Variants in RHEB observed in about 807,000 individuals in gnomAD.
The protein encoded by RHEB is GTP-binding protein Rheb.
RHEB carries 2 observed loss-of-function variants against 28.8 expected under a neutral mutation model. The observed-to-expected ratio is 0.07, with a 90% CI of 0.03 to 0.22. RHEB has a LOEUF of 0.22. Among genes scored for constraint, RHEB ranks in the 10% least tolerant of loss-of-function variants. The pLI is 1.00. For synonymous variants in RHEB, 69 were observed against 77.3 expected (o/e 0.89, Z 0.56); for missense variants, 76 against 219.9 (o/e 0.35, Z 4.14).
At chr7:151,497,985 C>A (rs1802703690) in intron 1 of RHEB, 1 of 541,218 alleles carries the variant, frequency 1.8e-6, no homozygotes, top group Admixed American at 2.4e-5. Context: ...TTACAGGGAA[C>A]TCTTGCTGGA....
At chr7:151,519,206 C>T in intron 1 of RHEB, 1 of 173,340 alleles carries the variant, frequency 5.8e-6, no homozygotes, top group Non-Finnish European at 1.2e-5. Flanking sequence ...CCCGCGCCTC[C>T]CACGCCCTCC....
chr7:151,483,420 T>A (rs1441804455), intron 3 of RHEB, among the ~76,000 whole-genome samples: 1 of 152,180 alleles, frequency 6.6e-6, no homozygotes, highest in Non-Finnish European at 1.5e-5. Flanking sequence ...ATCCTTTGAT[T>A]ATAAGTTGCA....
chr7:151,466,613 T>C lies in RHEB; in HGVS notation c.*506A>G, dbSNP rs985543580. 3 of 156,082 alleles carry C rather than the reference T, an allele frequency of 1.9e-5. No individual in the cohort carries two copies. In the Admixed American group the frequency reaches 1.9e-4, roughly 10 times the overall value. 9.7% of individuals were successfully genotyped at this position (156,082 alleles called of 1,614,324 possible). The stretch of plus-strand genomic sequence containing the variant: ...CCTCCTGTGGCCACATCTTCACTGG[T>C]TTCTGGAATCCAACCTGGGGCCTTC... On this transcript the variant is annotated 3_prime_UTR_variant, in exon 8 of 8. Transcript: ENST00000262187.
intron 1 of RHEB, among the ~76,000 whole-genome samples, chr7:151,505,003 C>A (rs1802841731): frequency 6.7e-6 from 1 of 150,008 alleles, no homozygotes; most frequent in Admixed American, 6.6e-5. Flanking sequence ...GGATCAGAGA[C>A]CTAAACATAA....
At chr7:151,477,296 G>T in intron 4 of RHEB, 37 bp downstream of exon 4, 1 of 1,175,064 alleles carries the variant, frequency 8.5e-7, no homozygotes, top group Non-Finnish European at 1.3e-6. Context: ...TTATCTATGA[G>T]TAGCAAATCA....
intron 1 of RHEB, among the ~76,000 whole-genome samples, chr7:151,506,744 A>ATT (rs1297718148): frequency 6.6e-6 from 1 of 152,216 alleles, no homozygotes; most frequent in Non-Finnish European, 1.5e-5. Context: ...TTACTGTTTC[A>ATT]TTTACCCACA....
intron 1 of RHEB, among the ~76,000 whole-genome samples, chr7:151,511,900 C>T (rs1802996495): frequency 6.6e-6 from 1 of 152,174 alleles, no homozygotes; most frequent in African/African-American, 2.4e-5. Flanking sequence ...ATCCACTCGC[C>T]TTGGCCTCCC....
intron 1 of RHEB, among the ~76,000 whole-genome samples, chr7:151,518,689 C>T (rs1401826092): frequency 2.6e-5 from 4 of 152,272 alleles, no homozygotes; most frequent in African/African-American, 9.6e-5. Flanking sequence ...GTATGTCAAC[C>T]TTTTGGGGGA....
At chr7:151,492,998 CCTGA>C (rs747201969) in intron 1 of RHEB, among the ~76,000 whole-genome samples, 39 of 151,962 alleles carry the variant, frequency 2.6e-4, no homozygotes, top group Middle Eastern at 3.2e-3. Flanking sequence ...CGCCACCACA[CCTGA>C]CTAATTTTTT....
chr7:151,467,791 T>TCAGCCCAGGGTCAACCC (rs1554436006), intron 7 of RHEB, among the ~76,000 whole-genome samples: 1 of 152,100 alleles, frequency 6.6e-6, no homozygotes, highest in Non-Finnish European at 1.5e-5. Flanking sequence ...GCCCTCAGCC[T>TCAGCCCAGGGTCAACCC]CAGCCCAGGG....
At chr7:151,516,261 C>T (rs1584871199) in intron 1 of RHEB, among the ~76,000 whole-genome samples, 1 of 151,870 alleles carries the variant, frequency 6.6e-6, no homozygotes, top group Non-Finnish European at 1.5e-5. Flanking sequence ...GTATAGACTA[C>T]CTGAGAATTA....
At chr7:151,492,165 G>C (rs1382210686) in intron 1 of RHEB, among the ~76,000 whole-genome samples, 1 of 152,208 alleles carries the variant, frequency 6.6e-6, no homozygotes, top group Admixed American at 6.5e-5. Flanking sequence ...AGGACGTGCA[G>C]TGAGAGTGAA....
rs1268316817 is a variant in RHEB, at chr7:151,474,737, A to G, written c.275+2596T>C. On this transcript the variant is annotated intron_variant, in intron 4 of 7. Transcript: ENST00000262187. Reference sequence around the variant, plus strand: ...AGCAATTCTACAGGGGTTTTATGATATAAAGGAATAATGTGAGACTTCTGT... The same window carrying G: ...AGCAATTCTACAGGGGTTTTATGATGTAAAGGAATAATGTGAGACTTCTGT... 3.9e-5 allele frequency among the ~76,000 whole-genome samples: 6 copies of G among 152,354 alleles called. No individual in the cohort carries two copies. In the South Asian group the frequency reaches 1.2e-3, roughly 32 times the overall value.
At chr7:151,502,770 G>C in intron 1 of RHEB, 1 of 1,484,902 alleles carries the variant, frequency 6.7e-7, no homozygotes, top group South Asian at 1.1e-5. Flanking sequence ...ACATAACTAT[G>C]TTCAGAAAGT....
intron 1 of RHEB, among the ~76,000 whole-genome samples, chr7:151,505,723 T>C (rs765010129): frequency 1.8e-4 from 27 of 152,244 alleles, no homozygotes; most frequent in Admixed American, 5.9e-4. Flanking sequence ...GCTTTATTCT[T>C]AATAGTTAAA....
Position 151,468,978 on chromosome 7 carries a change from C to T in RHEB, c.462+1593G>A, listed in dbSNP as rs545237655. On this transcript the variant is annotated intron_variant, in intron 7 of 7. Coordinates refer to ENST00000262187, the MANE Select transcript of RHEB (RefSeq NM_005614.4). This position sits in a 1 kb window ranked among gnomAD's most constrained non-coding sequence, Gnocchi z 4.3. Reference sequence around the variant, plus strand: ...TAATTTCCTCACTTCTAAAATGAGGCGGTTTAACTACATGATCTGAAGGAT... The same window carrying T: ...TAATTTCCTCACTTCTAAAATGAGGTGGTTTAACTACATGATCTGAAGGAT... Among the ~76,000 whole-genome samples the T allele has an allele frequency of 4.6e-5, 7 of 152,346 alleles. No individual in the cohort carries two copies. The highest frequency in any genetic ancestry group is 1.9e-4 in the East Asian group (1 of 5,194).
intron 1 of RHEB, chr7:151,503,463 G>T: frequency 8.7e-7 from 1 of 1,148,482 alleles, no homozygotes; most frequent in South Asian, 1.2e-5. Flanking sequence ...TTGATGACTA[G>T]ACATGAGTCT....
chr7:151,503,099 G>C, intron 1 of RHEB: 1 of 804,584 alleles, frequency 1.2e-6, no homozygotes, highest in Admixed American at 1.7e-5. Flanking sequence ...TTTGGAAAAG[G>C]GAGCTGTAGA....
intron 3 of RHEB, among the ~76,000 whole-genome samples, chr7:151,483,336 C>T (rs1792047095): frequency 6.6e-6 from 1 of 152,154 alleles, no homozygotes; most frequent in South Asian, 2.1e-4. Flanking sequence ...TCCAATTTCC[C>T]CAGATTCCAG....
Sources: allele counts gnomAD v4.1 joint callset (sites outside exome capture counted in the v4.1 genomes callset), GRCh38; gene constraint gnomAD v4.1.1; non-coding constraint Gnocchi (gnomAD v3.1); transcripts MANE v1.5; gene names NCBI Gene and HGNC (gene_info 2026-07-23, HGNC 2026-07-21).